MAGEA12: variants seen among roughly 807,000 people sequenced by gnomAD.
The protein encoded by MAGEA12 is MAGE family member A12.
For synonymous variants in MAGEA12, 135 were observed against 104.7 expected, an observed-to-expected ratio of 1.29 and a Z score of -1.77; for missense variants, 235 against 240.1, an observed-to-expected ratio of 0.98 and a Z score of 0.14.
chrX:152,736,318 G>T lies in MAGEA12; in HGVS notation c.157G>T (p.Val53Leu). Reference protein sequence around the residue: ...STLVEVTLREVPAAESPSPPH... With the variant: ...STLVEVTLRELPAAESPSPPH... ...TCTAGTGGAAGTCACCCTGCGGGAGGTGCCTGCTGCCGAGTCACCAAGTCC... is the reference window on the plus strand; with the variant it reads ...TCTAGTGGAAGTCACCCTGCGGGAGTTGCCTGCTGCCGAGTCACCAAGTCC... Residue 53 changes from valine (V) to leucine (L), a missense_variant, in exon 3 of 3, where the codon GTG becomes TTG. Transcript: ENST00000393869. The T allele has an allele frequency of 8.3e-7, 1 of 1,211,347 alleles. No individual in the cohort carries two copies. Among genetic ancestry groups the T allele is most frequent in the Non-Finnish European group, 1.1e-6 (1 of 895,352 alleles).
At chrX:152,735,567 C>A (rs1556226458) in intron 2 of MAGEA12, among the ~76,000 whole-genome samples, 1 of 112,189 alleles carries the variant, frequency 8.9e-6, no homozygotes, top group Non-Finnish European at 1.9e-5. Flanking sequence ...GTGGGAGGAT[C>A]TGGTTATGTA....
Position 152,736,302 on chromosome X carries a change from A to T in MAGEA12, c.141A>T (p.Glu47Asp). 8.3e-7 allele frequency: 1 copy of T among 1,211,345 alleles called. No homozygotes were observed. The highest frequency in any genetic ancestry group is 1.1e-6 in the Non-Finnish European group (1 of 895,326). The change falls in exon 3 of 3, where the codon GAA (glutamate) becomes GAT (aspartate). Residue 47 changes from glutamate (E) to aspartate (D), a missense_variant. Transcript: ENST00000393869. ...ETASSSSTLV[E>D]VTLREVPAAE... ...CCTCCTCCTCCTCTACTCTAGTGGAAGTCACCCTGCGGGAGGTGCCTGCTG... is the reference window on the plus strand; with the variant it reads ...CCTCCTCCTCCTCTACTCTAGTGGATGTCACCCTGCGGGAGGTGCCTGCTG...
chrX:152,734,419 A>G (rs1932255898), intron 1 of MAGEA12, among the ~76,000 whole-genome samples: 2 of 111,219 alleles, frequency 1.8e-5, no homozygotes, highest in South Asian at 7.6e-4. Context: ...GATGGGCCCA[A>G]GCCCCTCCTG....
intron 1 of MAGEA12, among the ~76,000 whole-genome samples, chrX:152,734,852 T>C (rs1295312662): frequency 1.9e-4 from 21 of 112,789 alleles, no homozygotes; most frequent in African/African-American, 6.4e-4. Flanking sequence ...AGAGTCTGGC[T>C]GTCCCTTATT....
chrX:152,736,883 A>T lies in MAGEA12; in HGVS notation c.722A>T (p.His241Leu). Residue 241 changes from histidine (H) to leucine (L), a missense_variant, in exon 3 of 3, where the codon CAT becomes CTT. By Grantham distance (99) the His-to-Leu change is moderately conservative. Transcript: ENST00000393869. ...GGGAGGGAGGACAGTGTCTTTGCGC[A>T]TCCCAGGAAGCTGCTCACCCAAGAT... ...SDGREDSVFA[H>L]PRKLLTQDLV... is the part of the protein sequence containing the mutation. 8.3e-7 allele frequency: 1 copy of T among 1,211,935 alleles called. No individual in the cohort carries two copies. The highest frequency in any genetic ancestry group is 1.1e-6 in the Non-Finnish European group (1 of 895,539).
In MAGEA12 at chrX:152,737,011, G is replaced by T; in HGVS notation, c.850G>T (p.Val284Leu). 3 of 1,212,030 alleles carry T rather than the reference G, an allele frequency of 2.5e-6. No homozygotes were observed. The highest frequency in any genetic ancestry group is 3.3e-6 in the Non-Finnish European group (3 of 895,584). The change falls in exon 3 of 3, where the codon GTG (valine) becomes TTG (leucine). Residue 284 changes from valine to leucine, a missense_variant. Val to Leu is a conservative substitution (Grantham distance 32). Coordinates refer to ENST00000393869, the MANE Select transcript of MAGEA12 (RefSeq NM_001166387.4). ...AAGGGCCCTCGTTGAAACCAGCTAT[G>T]TGAAAGTCCTGCACCATTTGCTAAA... is the stretch of plus-strand genomic sequence containing the variant. ...GPRALVETSYVKVLHHLLKIS... is the reference protein window; with the variant it reads ...GPRALVETSYLKVLHHLLKIS...
chrX:152,734,882 G>C (rs1324985074), intron 1 of MAGEA12, among the ~76,000 whole-genome samples: 1 of 112,517 alleles, frequency 8.9e-6, no homozygotes, highest in Non-Finnish European at 1.9e-5. Context: ...AAGGGAACCC[G>C]ATCAGAGATA....
chrX:152,735,119 A>G (rs1307909815), intron 1 of MAGEA12, 29 bp from the exon 2 acceptor site: 1 of 112,532 alleles, frequency 8.9e-6, no homozygotes, highest in East Asian at 2.8e-4. Flanking sequence ...GAGTGACAGG[A>G]TGTGGCTCCT....
In MAGEA12 at chrX:152,737,028, T is replaced by C. The variant is rs781844336; in HGVS notation, c.867T>C (p.His289=). ...CCAGCTATGTGAAAGTCCTGCACCA[T>C]TTGCTAAAGATCAGTGGAGGACCTC... is the stretch of plus-strand genomic sequence containing the variant. The part of the protein sequence containing the change: ...VETSYVKVLH[H]LLKISGGPHI... The change falls in exon 3 of 3, where the codon CAT becomes CAC. Residue 289 remains histidine, a synonymous_variant. Coordinates refer to ENST00000393869, the MANE Select transcript of MAGEA12 (RefSeq NM_001166387.4). 2.3e-5 allele frequency: 28 copies of C among 1,209,934 alleles called. No individual in the cohort carries two copies. In the East Asian group the frequency reaches 7.7e-4, roughly 33 times the overall value.
intron 1 of MAGEA12, 40 bp from the exon 2 acceptor site, chrX:152,735,108 G>A (rs1211669983): frequency 2.7e-5 from 3 of 112,407 alleles, no homozygotes; most frequent in African/African-American, 9.7e-5. Context: ...AACCTACCTG[G>A]GAGTGACAGG....
At chrX:152,735,680 G>C (rs1271634401) in intron 2 of MAGEA12, among the ~76,000 whole-genome samples, 1 of 112,330 alleles carries the variant, frequency 8.9e-6, no homozygotes, top group Non-Finnish European at 1.9e-5. Flanking sequence ...ATTAGGCCCT[G>C]CAAGGAGAAA....
At chrX:152,735,982 T>A (rs1932309383) in intron 2 of MAGEA12, 105 bp from the exon 3 acceptor site, 2 of 490,669 alleles carry the variant, frequency 4.1e-6, no homozygotes, top group Non-Finnish European at 6.9e-6. Context: ...CCAGAACACA[T>A]GGGACTCCAG....
At position 152,736,234 on chromosome X, in the gene MAGEA12, T is replaced by C. The variant is rs782333104; in HGVS notation, c.73T>C (p.Leu25=). ...GLEAQGEALG[L]VGAQAPATEE... ...TGAGGCCCAAGGAGAGGCCCTGGGC[T>C]TGGTGGGTGCGCAGGCTCCTGCTAC... The change falls in exon 3 of 3, where the codon TTG becomes CTG. Residue 25 remains leucine (L), a synonymous_variant. Transcript: ENST00000393869. The C allele has an allele frequency of 4.1e-6, 5 of 1,211,590 alleles. No homozygotes were observed. The highest frequency in any genetic ancestry group is 2.2e-5 in the Admixed American group (1 of 46,069).
Position 152,733,786 on chromosome X carries a change from A to T in MAGEA12, c.-255A>T, listed in dbSNP as rs1207271499. 1 of 111,586 alleles carries T rather than the reference A, an allele frequency of 9.0e-6. No homozygotes were observed. Among genetic ancestry groups the T allele is most frequent in the Non-Finnish European group, 1.9e-5 (1 of 53,000 alleles). 9.2% of individuals were successfully genotyped at this position (111,586 alleles called of 1,213,427 possible). A position where few individuals can be genotyped will look rare whatever the true frequency, so the allele number is the denominator to read the frequency against. ...ACTTGCGCGTTGGAGGTCAGAGAAC[A>T]GCGAGATTCTCGCCCTGAGCAACGG... is the stretch of plus-strand genomic sequence containing the variant. On this transcript the variant is annotated 5_prime_UTR_variant, in exon 1 of 3. Transcript: ENST00000393869.
rs782676387 is a variant in MAGEA12 at position 152,737,182 on chromosome X, G to T, written c.*76G>T. On this transcript the variant is annotated 3_prime_UTR_variant, in exon 3 of 3. Coordinates refer to ENST00000393869, the MANE Select transcript of MAGEA12 (RefSeq NM_001166387.4). The stretch of plus-strand genomic sequence containing the variant: ...GCACCTTCCAAGGCCCCATCCATTA[G>T]TTTCCACTGCCTCGTGTGACATGAG... The T allele has an allele frequency of 1.2e-5, 12 of 996,766 alleles. No homozygotes were observed. Among genetic ancestry groups the T allele is most frequent in the Non-Finnish European group, 1.7e-5 (12 of 708,702 alleles). 82.1% of individuals were successfully genotyped at this position (996,766 alleles called of 1,213,427 possible).
At position 152,737,647 on chromosome X, in the gene MAGEA12, A is replaced by C. The variant is rs1456638716; in HGVS notation, c.*541A>C. ...TCCTTGGCTTCTTTGAGAATTTAAG[A>C]GAAATTAAATCTGAATAAATAATTC... On this transcript the variant is annotated 3_prime_UTR_variant, in exon 3 of 3. Coordinates refer to ENST00000393869, the MANE Select transcript of MAGEA12 (RefSeq NM_001166387.4). The C allele has an allele frequency of 2.1e-5, 4 of 193,789 alleles. No homozygotes were observed. The highest frequency in any genetic ancestry group is 4.0e-5 in the Non-Finnish European group (4 of 100,783). 16.0% of individuals were successfully genotyped at this position (193,789 alleles called of 1,213,427 possible). A position where few individuals can be genotyped will look rare whatever the true frequency, so the allele number is the denominator to read the frequency against.
Position 152,736,259 on chromosome X carries a change from C to T in MAGEA12, c.98C>T (p.Thr33Ile). ...TTGGTGGGTGCGCAGGCTCCTGCTA[C>T]TGAGGAGCAGGAGACTGCCTCCTCC... Reference protein sequence around the residue: ...LGLVGAQAPATEEQETASSSS... With the variant: ...LGLVGAQAPAIEEQETASSSS... Residue 33 changes from threonine (T) to isoleucine (I), a missense_variant, in exon 3 of 3, where the codon ACT becomes ATT. Transcript: ENST00000393869. 1 of 1,211,739 alleles carries T rather than the reference C, an allele frequency of 8.3e-7. No homozygotes were observed. The highest frequency in any genetic ancestry group is 1.1e-6 in the Non-Finnish European group (1 of 895,475).
chrX:152,736,348 CACA>C lies in MAGEA12; in HGVS notation c.188_190del (p.His63_Ser64delinsArg). The C allele has an allele frequency of 8.3e-7, 1 of 1,211,483 alleles. No individual in the cohort carries two copies. Among genetic ancestry groups the C allele is most frequent in the Non-Finnish European group, 1.1e-6 (1 of 895,376 alleles). On this transcript the variant is annotated inframe_deletion, in exon 3 of 3. Transcript: ENST00000393869. ...TGCTGCCGAGTCACCAAGTCCTCCC[CACA>C]GTCCTCAGGGAGCCTCCACCCTCCC...
Position 152,737,292 on chromosome X carries a change from T to C in MAGEA12, c.*186T>C. Reference sequence around the variant, plus strand: ...ATTGGATGACTTTGAGATTTATCTTTGTTTCCTGTTGGAATTGTTCAAATG... The same window carrying C: ...ATTGGATGACTTTGAGATTTATCTTCGTTTCCTGTTGGAATTGTTCAAATG... On this transcript the variant is annotated 3_prime_UTR_variant, in exon 3 of 3. Transcript: ENST00000393869. 1 of 551,657 alleles carries C rather than the reference T, an allele frequency of 1.8e-6. No homozygotes were observed. The highest frequency in any genetic ancestry group is 2.6e-5 in the South Asian group (1 of 38,564). 45.5% of individuals were successfully genotyped at this position (551,657 alleles called of 1,213,427 possible).
Sources: gnomAD v4.1 joint callset for allele counts (sites outside exome capture counted in the v4.1 genomes callset) on GRCh38, gnomAD v4.1.1 for gene constraint, MANE v1.5 for transcripts, NCBI Gene and HGNC (gene_info 2026-07-23, HGNC 2026-07-21) for gene names.